Variants in ITPR3 observed in about 807,000 individuals in gnomAD.
The protein encoded by ITPR3 is inositol 1,4,5-trisphosphate-gated calcium channel ITPR3.
A neutral mutation model predicts 293.2 loss-of-function variants in ITPR3; 173 were observed. The observed-to-expected ratio is 0.59, with a 90% CI of 0.52 to 0.67. ITPR3 has a LOEUF of 0.67. Among genes scored for constraint, ITPR3 ranks in the 30% least tolerant of loss-of-function variants. The pLI, the probability that ITPR3 is intolerant of heterozygous loss-of-function variation, is 0.00. For synonymous variants in ITPR3, 1,295 were observed against 1,444.4 expected (o/e 0.90, Z 2.35); for missense variants, 2,796 against 3,592.1 (o/e 0.78, Z 5.66).
At chr6:33,637,201 C>T (rs944391869) in intron 1 of ITPR3, among the ~76,000 whole-genome samples, 6 of 152,146 alleles carry the variant, frequency 3.9e-5, no homozygotes, top group African/African-American at 1.4e-4. Flanking sequence ...AAGCTCAGTC[C>T]CCCAAGACTA....
chr6:33,678,910 CCA>C, intron 30 of ITPR3, 71 bp downstream of exon 30: 1 of 1,473,280 alleles, frequency 6.8e-7, no homozygotes, highest in Non-Finnish European at 9.3e-7. Flanking sequence ...GGCGGGAAGG[CCA>C]CAGAGTTAGA....
rs4711336 is a variant in ITPR3, at chr6:33,691,269, G to A, written c.7225+160G>A. On this transcript the variant is annotated intron_variant, in intron 52 of 57. Coordinates refer to ENST00000605930, the MANE Select transcript of ITPR3 (RefSeq NM_002224.4). The surrounding 1 kb of genome is among the most constrained non-coding windows in gnomAD (Gnocchi z 4.9). ...CGTCTAGCTAACACCAGTCTGCCTC[G>A]CTCTTTTCTGGAACACACTGAGTGG... Among the ~76,000 whole-genome samples, 65,959 of 151,986 alleles carry A rather than the reference G, an allele frequency of 0.43. 16,889 individuals are homozygous for A. The highest frequency in any genetic ancestry group is 0.9 in the East Asian group (4,649 of 5,168).
At chr6:33,663,667 G>A in intron 10 of ITPR3, 71 bp from the exon 11 acceptor site, 1 of 1,603,538 alleles carries the variant, frequency 6.2e-7, no homozygotes. Flanking sequence ...GGGATCTCAG[G>A]TGGGATCCCA....
Position 33,658,050 on chromosome 6 carries a change from C to A in ITPR3, c.369+32C>A, listed in dbSNP as rs1330974018. Reference sequence around the variant, plus strand: ...CTGGCCTGCCTCTCTCCCGCCTGCCCCTCTCCCTGCCTAAGAGGCTGGGCT... The same window carrying A: ...CTGGCCTGCCTCTCTCCCGCCTGCCACTCTCCCTGCCTAAGAGGCTGGGCT... On this transcript the variant is annotated intron_variant, in intron 4 of 57. Coordinates refer to ENST00000605930, the MANE Select transcript of ITPR3 (RefSeq NM_002224.4). The surrounding 1 kb of genome is among the most constrained non-coding windows in gnomAD (Gnocchi z 6.1). 3.2e-6 allele frequency: 5 copies of A among 1,577,774 alleles called. No individual in the cohort carries two copies. The highest frequency in any genetic ancestry group is 2.3e-5 in the East Asian group (1 of 44,144).
chr6:33,693,352 G>A (rs578244229), intron 55 of ITPR3, among the ~76,000 whole-genome samples, 193 bp from the exon 56 acceptor site: 8 of 152,264 alleles, frequency 5.3e-5, no homozygotes, highest in South Asian at 2.1e-4. Context: ...CTGCAGCTGC[G>A]GCAGGGCAGG....
At chr6:33,627,769 G>C (rs965806036) in intron 1 of ITPR3, among the ~76,000 whole-genome samples, 1 of 152,234 alleles carries the variant, frequency 6.6e-6, no homozygotes, top group African/African-American at 2.4e-5. Flanking sequence ...ATGTGTGAGT[G>C]TTGCACTAGC....
In ITPR3 at chr6:33,688,084, C is replaced by T. The variant is rs771018353; in HGVS notation, c.6292C>T (p.Gln2098Ter). 1 of 1,614,134 alleles carries T rather than the reference C, an allele frequency of 6.2e-7. No homozygotes were observed. Among genetic ancestry groups the T allele is most frequent in the Non-Finnish European group, 8.5e-7 (1 of 1,179,988 alleles). Reference sequence around the variant, plus strand: ...CAGCCTCAACAACAAGCAGCTGTCACAGATGCTCAAGTCCTCAGCGCCAGC... The same window carrying T: ...CAGCCTCAACAACAAGCAGCTGTCATAGATGCTCAAGTCCTCAGCGCCAGC... The part of the protein sequence containing the change: ...MLSLNNKQLS[Q>*]MLKSSAPAQE... Residue 2098 changes from glutamine to a stop codon, truncating the protein, a stop_gained, in exon 47 of 58, where the codon CAG (glutamine) becomes TAG (stop). Transcript: ENST00000605930. LOFTEE classifies it high-confidence loss of function.
intron 7 of ITPR3, 132 bp from the exon 8 acceptor site, chr6:33,662,396 C>T: frequency 9.4e-7 from 1 of 1,064,858 alleles, no homozygotes; most frequent in Non-Finnish European, 1.3e-6. Context: ...ATCCCCCTCT[C>T]TGTGTGCTGG....
chr6:33,642,431 G>C (rs1252111098), intron 2 of ITPR3, among the ~76,000 whole-genome samples: 1 of 152,006 alleles, frequency 6.6e-6, no homozygotes, highest in Non-Finnish European at 1.5e-5. Context: ...GAGAGGTGAG[G>C]GTCCCAAGGG....
rs561614372 is a variant in ITPR3 at position 33,645,479 on chromosome 6, CA to C, written c.160+4926del. ...GCGATAAACTGAATCCCTTCATTGG[CA>C]CTCCTGTTGATGGACTTTCAGCTCA... On this transcript the variant is annotated intron_variant, in intron 2 of 57. Transcript: ENST00000605930. Among the ~76,000 whole-genome samples the C allele has an allele frequency of 3.6e-3, 554 of 152,344 alleles. 7 individuals carry two copies. Among genetic ancestry groups the C allele is most frequent in the African/African-American group, 0.011 (475 of 41,586 alleles).
In ITPR3 at chr6:33,673,628, A is replaced by C; in HGVS notation, c.2966A>C (p.Tyr989Ser). 6.2e-7 allele frequency: 1 copy of C among 1,613,990 alleles called. No individual in the cohort carries two copies. Among genetic ancestry groups the C allele is most frequent in the African/African-American group, 1.3e-5 (1 of 74,976 alleles). The change falls in exon 23 of 58, where the codon TAC becomes TCC. Residue 989 changes from tyrosine to serine, a missense_variant. By Grantham distance (144) the Tyr-to-Ser change is moderately radical. Around this residue, in one of 8 missense-constraint regions of ITPR3, gnomAD observed 955 missense variants for 1,180.8 expected, o/e 0.81. Transcript: ENST00000605930. Reference protein sequence around the residue: ...LNVRLDYRISYLLSVFKKEFV... With the variant: ...LNVRLDYRISSLLSVFKKEFV... ...GTCCGCCTGGATTACCGCATATCCT[A>C]CCTGCTGTCTGTCTTCAAGAAGGAG...
Position 33,689,207 on chromosome 6 carries a change from G to A in ITPR3, c.6695-31G>A, listed in dbSNP as rs377755835. The A allele has an allele frequency of 1.2e-5, 20 of 1,601,734 alleles. No individual in the cohort carries two copies. In the Admixed American group the frequency reaches 1.3e-4, roughly 11 times the overall value. On this transcript the variant is annotated intron_variant, in intron 49 of 57. Coordinates refer to ENST00000605930, the MANE Select transcript of ITPR3 (RefSeq NM_002224.4). ...CTCTGGGGCCGTGGTGGGCTTGAGGGAGCCCTGCTCACCCTGCCCCTGGCC... is the reference window on the plus strand; with the variant it reads ...CTCTGGGGCCGTGGTGGGCTTGAGGAAGCCCTGCTCACCCTGCCCCTGGCC...
chr6:33,663,100 ATGTGCC>A, intron 9 of ITPR3, 94 bp downstream of exon 9: 8 of 1,049,158 alleles, frequency 7.6e-6, no homozygotes, highest in Non-Finnish European at 1.1e-5. Context: ...TATGTGGCAC[ATGTGCC>A]TATGGACCCT....
chr6:33,663,404 A>T, intron 9 of ITPR3, 96 bp from the exon 10 acceptor site: 1 of 1,301,130 alleles, frequency 7.7e-7, no homozygotes, highest in Non-Finnish European at 1.1e-6. Context: ...GCCTGCCCAA[A>T]CCCAGGGCCC....
Position 33,692,817 on chromosome 6 carries a change from C to A in ITPR3, c.7548C>A (p.Ile2516=), listed in dbSNP as rs1242311017. The A allele has an allele frequency of 5.0e-6, 8 of 1,613,996 alleles. No homozygotes were observed. Among genetic ancestry groups the A allele is most frequent in the Non-Finnish European group, 6.8e-6 (8 of 1,180,002 alleles). Residue 2516 remains isoleucine, a synonymous_variant, in exon 55 of 58, where the codon ATC becomes ATA. Coordinates refer to ENST00000605930, the MANE Select transcript of ITPR3 (RefSeq NM_002224.4). This position sits in a 1 kb window ranked among gnomAD's most constrained non-coding sequence, Gnocchi z 4.2. ...IIVLNLIFGV[I]IDTFADLRSE... is the part of the protein sequence containing the mutation. ...TGCTGAACCTCATCTTTGGGGTAAT[C>A]ATCGACACCTTCGCTGACCTGCGTA...
rs1183344634 is a variant in ITPR3 at position 33,667,402 on chromosome 6, T to G, written c.1713+112T>G. On this transcript the variant is annotated intron_variant, in intron 15 of 57. Transcript: ENST00000605930. The surrounding 1 kb of genome is among the most constrained non-coding windows in gnomAD (Gnocchi z 4.4). ...CACTGTTTTGGGGCCTAGGGTCCAGTAGGGCACCAGACAGCAGGGCCGGGT... is the reference window on the plus strand; with the variant it reads ...CACTGTTTTGGGGCCTAGGGTCCAGGAGGGCACCAGACAGCAGGGCCGGGT... The G allele has an allele frequency of 2.9e-6, 4 of 1,372,706 alleles. No homozygotes were observed. The African/African-American group carries it at 5.8e-5, about 20-fold the overall frequency. The allele number at this position is 1,372,706 out of a possible 1,614,324, so 85.0% of individuals were successfully genotyped here. A position where few individuals can be genotyped will look rare whatever the true frequency, so the allele number is the denominator to read the frequency against.
rs1764296636 is a variant in ITPR3 at position 33,655,934 on chromosome 6, C to T, written c.282+47C>T. On this transcript the variant is annotated intron_variant, in intron 3 of 57. Transcript: ENST00000605930. The surrounding 1 kb of genome is among the most constrained non-coding windows in gnomAD (Gnocchi z 4.9). ...TGCATCTGTGCACATGTACCAGGAA[C>T]CTGGGTACACAAGCAGCGGTGCTGC... The T allele has an allele frequency of 1.2e-6, 2 of 1,610,318 alleles. No homozygotes were observed. The highest frequency in any genetic ancestry group is 1.7e-5 in the Admixed American group (1 of 59,828).
chr6:33,688,191 G>T (rs147230646), intron 47 of ITPR3, 24 bp downstream of exon 47: 1 of 1,613,756 alleles, frequency 6.2e-7, no homozygotes, highest in Non-Finnish European at 8.5e-7. Context: ...CAGCAGGGGC[G>T]GGCGTGGGAG....
chr6:33,687,399 C>A lies in ITPR3; in HGVS notation c.6177+72C>A, dbSNP rs1213624479. The A allele has an allele frequency of 4.0e-6, 6 of 1,496,810 alleles. No homozygotes were observed. In the African/African-American group the frequency reaches 6.9e-5, roughly 17 times the overall value. The allele number at this position is 1,496,810 out of a possible 1,614,324, so 92.7% of individuals were successfully genotyped here. On this transcript the variant is annotated intron_variant, in intron 45 of 57. Transcript: ENST00000605930. The surrounding 1 kb of genome is among the most constrained non-coding windows in gnomAD (Gnocchi z 5.3). ...TACCCCGCCCCAGCTGCCATCATCC[C>A]CCAGTCGCCATTGTCGCCCCCCAGC...
Sources: allele counts gnomAD v4.1 joint callset (sites outside exome capture counted in the v4.1 genomes callset), GRCh38; gene constraint gnomAD v4.1.1; regional missense constraint gnomAD v4.1.1; non-coding constraint Gnocchi (gnomAD v3.1); transcripts MANE v1.5; gene names NCBI Gene and HGNC (gene_info 2026-07-23, HGNC 2026-07-21).